DESI1: variants seen among roughly 807,000 people sequenced by gnomAD.
DESI1 encodes desumoylating isopeptidase 1, also known as PPPDE peptidase domain containing 2.
Under a neutral mutation model 22.4 loss-of-function variants are expected in DESI1, and 17 were observed. The ratio of observed to expected loss-of-function variants is 0.76; its 90% CI spans 0.52 to 1.14. DESI1 has a LOEUF of 1.14. Ranked by LOEUF, DESI1 falls within the 50% of genes most tolerant of loss-of-function variation. DESI1 has a pLI of 0.00. For synonymous variants in DESI1, 92 were observed against 84.2 expected (o/e 1.09, Z -0.51); for missense variants, 177 against 208.9 (o/e 0.85, Z 0.94).
intron 3 of DESI1, among the ~76,000 whole-genome samples, chr22:41,604,458 G>A (rs2067467756): frequency 6.6e-6 from 1 of 151,890 alleles, no homozygotes; most frequent in Non-Finnish European, 1.5e-5. Context: ...TGTTGGTCAG[G>A]CTGGTCTCAA....
chr22:41,612,069 C>T (rs576330305), intron 1 of DESI1, among the ~76,000 whole-genome samples: 27 of 152,200 alleles, frequency 1.8e-4, no homozygotes, highest in African/African-American at 3.4e-4. Flanking sequence ...CTTCCAGGCA[C>T]TATCCTTGGC....
At position 41,608,245 on chromosome 22, in the gene DESI1, TGATA is replaced by T. The variant is rs2067494265; in HGVS notation, c.89-388_89-385del. On this transcript the variant is annotated intron_variant, in intron 1 of 5. Transcript: ENST00000263256. ...CATTGAGGTGAAATCCTTCAGAAAC[TGATA>T]GGATAAAACTTTGCAAATGCTATCC... 2.6e-5 allele frequency among the ~76,000 whole-genome samples: 4 copies of T among 152,194 alleles called. No individual in the cohort carries two copies. In the East Asian group the frequency reaches 7.7e-4, roughly 29 times the overall value.
chr22:41,601,476 G>A (rs1350228216), intron 5 of DESI1, among the ~76,000 whole-genome samples: 1 of 152,194 alleles, frequency 6.6e-6, no homozygotes, highest in Non-Finnish European at 1.5e-5. Context: ...GGTTTGAGTA[G>A]GCTGGCTACA....
intron 4 of DESI1, among the ~76,000 whole-genome samples, chr22:41,603,628 G>A (rs1410623121): frequency 6.6e-6 from 1 of 152,218 alleles, no homozygotes; most frequent in African/African-American, 2.4e-5. Context: ...ATTCACGAAA[G>A]CAGAACTCTG....
At chr22:41,608,132 G>A (rs1272399303) in intron 1 of DESI1, among the ~76,000 whole-genome samples, 1 of 152,130 alleles carries the variant, frequency 6.6e-6, no homozygotes, top group Non-Finnish European at 1.5e-5. Flanking sequence ...TTTCCTCTTT[G>A]GGGTCAATTC....
chr22:41,609,793 A>T (rs2067505447), intron 1 of DESI1, among the ~76,000 whole-genome samples: 1 of 150,024 alleles, frequency 6.7e-6, no homozygotes, highest in East Asian at 2.0e-4. Flanking sequence ...TGTCTCAAAT[A>T]AAACAAAAAA....
chr22:41,605,835 G>A (rs1182094641), intron 3 of DESI1, among the ~76,000 whole-genome samples: 2 of 152,174 alleles, frequency 1.3e-5, no homozygotes, highest in Non-Finnish European at 2.9e-5. Flanking sequence ...CGTATGACAG[G>A]AGACCTTCCC....
intron 1 of DESI1, among the ~76,000 whole-genome samples, chr22:41,610,161 C>T (rs957688914): frequency 4.0e-5 from 6 of 150,872 alleles, no homozygotes; most frequent in Non-Finnish European, 8.8e-5. Flanking sequence ...GCAGGCGGAT[C>T]ACAGGTCAGG....
chr22:41,602,979 C>T (rs543921536), intron 5 of DESI1: 11 of 579,962 alleles, frequency 1.9e-5, no homozygotes, highest in African/African-American at 1.1e-4. Context: ...GAAGGACAGA[C>T]GCCAGAATTT....
intron 1 of DESI1, among the ~76,000 whole-genome samples, chr22:41,609,278 G>A (rs1356364535): frequency 6.6e-6 from 1 of 152,144 alleles, no homozygotes; most frequent in Non-Finnish European, 1.5e-5. Context: ...GGACCATATG[G>A]GTTCAGATCC....
chr22:41,618,736 C>T (rs936283673), intron 1 of DESI1, among the ~76,000 whole-genome samples: 6 of 152,134 alleles, frequency 3.9e-5, no homozygotes, highest in Non-Finnish European at 8.8e-5. Context: ...AAACAAACAA[C>T]TAAATGGCTC....
chr22:41,614,305 G>A (rs2067536510), intron 1 of DESI1, among the ~76,000 whole-genome samples: 1 of 151,890 alleles, frequency 6.6e-6, no homozygotes, highest in African/African-American at 2.4e-5. Flanking sequence ...CAAAGTGCAG[G>A]GATTACAGGG....
In DESI1 at chr22:41,617,049, T is replaced by C. The variant is rs148484196; in HGVS notation, c.88+3703A>G. ...TAGATTGTAAGTGGCACATACACAT[T>C]GAACCCAGCTTTTTTTCTCATCCAA... is the stretch of plus-strand genomic sequence containing the variant. On this transcript the variant is annotated intron_variant, in intron 1 of 5. Coordinates refer to ENST00000263256, the MANE Select transcript of DESI1 (RefSeq NM_015704.3). Among the ~76,000 whole-genome samples the C allele has an allele frequency of 2.0e-4, 30 of 152,338 alleles. No individual in the cohort carries two copies. In the East Asian group the frequency reaches 5.8e-3, roughly 29 times the overall value.
chr22:41,601,034 T>A lies in DESI1; in HGVS notation c.*63A>T. The A allele has an allele frequency of 7.2e-7, 1 of 1,396,778 alleles. No individual in the cohort carries two copies. The highest frequency in any genetic ancestry group is 1.9e-5 in the Admixed American group (1 of 51,722). 86.5% of individuals were successfully genotyped at this position (1,396,778 alleles called of 1,614,324 possible). A position where few individuals can be genotyped will look rare whatever the true frequency, so the allele number is the denominator to read the frequency against. On this transcript the variant is annotated 3_prime_UTR_variant, in exon 6 of 6. Transcript: ENST00000263256. ...GTAAAATTATAAAATAGAAATCTGG[T>A]AGGGTTTGTTTTGTTTAAAAAGGAA...
chr22:41,605,296 C>T lies in DESI1; in HGVS notation c.181-1143G>A, dbSNP rs996274651. ...ATAGGGCAAGGGAGTTAATGGCTCC[C>T]GAAAGGCCTACAGAAAACCCTCAGC... is the stretch of plus-strand genomic sequence containing the variant. On this transcript the variant is annotated intron_variant, in intron 3 of 5. Transcript: ENST00000263256. Among the ~76,000 whole-genome samples the T allele has an allele frequency of 2.6e-5, 4 of 152,062 alleles. No homozygotes were observed. The East Asian group carries it at 5.8e-4, about 22-fold the overall frequency.
At chr22:41,611,785 G>T (rs552421324) in intron 1 of DESI1, among the ~76,000 whole-genome samples, 1 of 151,796 alleles carries the variant, frequency 6.6e-6, no homozygotes, top group East Asian at 1.9e-4. Flanking sequence ...TAGATATGGG[G>T]TTTCACCATG....
At chr22:41,612,397 T>C (rs2067522885) in intron 1 of DESI1, among the ~76,000 whole-genome samples, 2 of 151,746 alleles carry the variant, frequency 1.3e-5, no homozygotes, top group South Asian at 4.2e-4. Context: ...TAATTCTAGC[T>C]ACTCGGGAGG....
rs72547432 is a variant in DESI1 at position 41,601,049 on chromosome 22, T to C, written c.*48A>G. On this transcript the variant is annotated 3_prime_UTR_variant, in exon 6 of 6. Transcript: ENST00000263256. ...AGAAATCTGGTAGGGTTTGTTTTGT[T>C]TAAAAAGGAAAAGCCCTGGTGAGGC... The C allele has an allele frequency of 1.1e-3, 1,706 of 1,531,496 alleles. 29 individuals carry two copies. The South Asian group carries it at 0.018, about 17-fold the overall frequency. The allele number at this position is 1,531,496 out of a possible 1,614,324, so 94.9% of individuals were successfully genotyped here.
intron 1 of DESI1, among the ~76,000 whole-genome samples, chr22:41,610,156 C>T (rs977905696): frequency 1.2e-4 from 18 of 149,984 alleles, no homozygotes; most frequent in Non-Finnish European, 1.6e-4. Flanking sequence ...CCGAGGCAGG[C>T]GGATCACAGG....
Sources: gnomAD v4.1 joint callset for allele counts (sites outside exome capture counted in the v4.1 genomes callset) on GRCh38, gnomAD v4.1.1 for gene constraint, MANE v1.5 for transcripts, NCBI Gene and HGNC (gene_info 2026-07-23, HGNC 2026-07-21) for gene names.